BRI3: variants seen among roughly 807,000 people sequenced by gnomAD.
The protein encoded by BRI3 is membrane protein BRI3.
In BRI3, 6 loss-of-function variants were observed where a neutral mutation model predicts 12.8. That is an observed-to-expected ratio of 0.47 (90% CI 0.26 to 0.93). The LOEUF is 0.93. Ranked by LOEUF, BRI3 falls within the 40% of genes least tolerant of loss-of-function variation. The pLI, the probability that BRI3 is intolerant of heterozygous loss-of-function variation, is 0.15. For synonymous variants in BRI3, 91 were observed against 76.1 expected (o/e 1.20, Z -1.02); for missense variants, 134 against 171.1 (o/e 0.78, Z 1.21).
chr7:98,321,735 CCAT>C, the BRI3 span, among the ~76,000 whole-genome samples: 5 of 152,194 alleles, frequency 3.3e-5, no homozygotes, highest in South Asian at 1.0e-3. Context: ...GTTACCACCA[CCAT>C]CAAACAATGC....
At chr7:98,321,873 G>C in the BRI3 span, among the ~76,000 whole-genome samples, 2 of 152,192 alleles carry the variant, frequency 1.3e-5, no homozygotes, top group Non-Finnish European at 2.9e-5. Context: ...TGAGGTGGGA[G>C]TATCACGAGG....
At chr7:98,317,550 C>A in the BRI3 span, among the ~76,000 whole-genome samples, 1 of 150,278 alleles carries the variant, frequency 6.7e-6, no homozygotes, top group Non-Finnish European at 1.5e-5. Flanking sequence ...GGGTCCCATG[C>A]CCACACTTCG....
chr7:98,300,138 G>A (rs1437466784), intron 1 of BRI3, among the ~76,000 whole-genome samples: 4 of 152,228 alleles, frequency 2.6e-5, no homozygotes, highest in Admixed American at 6.5e-5. Context: ...GTGCCCTGTG[G>A]CTGCTGGACT....
chr7:98,306,375 T>C (rs112997351), upstream of BRI3: 7,085 of 1,576,892 alleles, frequency 4.5e-3, 279 homozygotes, highest in African/African-American at 0.084. Flanking sequence ...GATGGTGGTG[T>C]GTTACAGAAA....
chr7:98,284,303 C>G (rs1420285238), intron 2 of BRI3, among the ~76,000 whole-genome samples: 5 of 152,250 alleles, frequency 3.3e-5, no homozygotes, highest in African/African-American at 1.2e-4. Context: ...TCCCTGCGCT[C>G]TGCCCGTGGT....
At chr7:98,318,772 G>A in the BRI3 span, among the ~76,000 whole-genome samples, 23 of 151,438 alleles carry the variant, frequency 1.5e-4, no homozygotes, top group South Asian at 6.3e-4. Context: ...GTGAAACCCC[G>A]TCTCTACTAA....
chr7:98,306,566 G>A lies in BRI3; in HGVS notation n.45G>A, dbSNP rs200799373. 1.1e-3 allele frequency: 1,801 copies of A among 1,613,498 alleles called. 2 individuals are homozygous for A. The highest frequency in any genetic ancestry group is 1.4e-3 in the Non-Finnish European group (1,626 of 1,179,668). On this transcript the variant is annotated non_coding_transcript_exon_variant, in exon 1 of 2. Transcript: ENST00000485422. ...CCCTATCAGCAGTAGACATGTGGACGGCAACCTCCCTGAACAACCTGGTGA... is the reference window on the plus strand; with the variant it reads ...CCCTATCAGCAGTAGACATGTGGACAGCAACCTCCCTGAACAACCTGGTGA...
At chr7:98,283,884 G>C (rs4506131) in intron 2 of BRI3, among the ~76,000 whole-genome samples, 99,062 of 152,106 alleles carry the variant, frequency 0.65, 33,397 homozygotes, top group Non-Finnish European at 0.74. Context: ...CGAGGGATGG[G>C]CCAGATATCC....
Position 98,291,294 on chromosome 7 carries a change from A to C in BRI3, c.*51A>C. The C allele has an allele frequency of 6.2e-7, 1 of 1,609,370 alleles. No homozygotes were observed. Among genetic ancestry groups the C allele is most frequent in the Non-Finnish European group, 8.5e-7 (1 of 1,178,442 alleles). ...ACACCCAGCTCTCTTTTTCTAATGTAAATGTTGTGTACAATAATTTTATTT... is the reference window on the plus strand; with the variant it reads ...ACACCCAGCTCTCTTTTTCTAATGTCAATGTTGTGTACAATAATTTTATTT... On this transcript the variant is annotated 3_prime_UTR_variant, in exon 3 of 3. Coordinates refer to ENST00000297290, the MANE Select transcript of BRI3 (RefSeq NM_015379.5).
upstream of BRI3, among the ~76,000 whole-genome samples, chr7:98,302,512 A>G (rs772795085): frequency 5.9e-5 from 9 of 152,236 alleles, no homozygotes; most frequent in South Asian, 2.1e-4. Flanking sequence ...ACAACAGTCA[A>G]ACAAGCAAAA....
At chr7:98,306,338 C>T, upstream of BRI3, 2 of 1,405,992 alleles carry the variant, frequency 1.4e-6, no homozygotes, top group Non-Finnish European at 2.0e-6. Context: ...AGAGCTGAGG[C>T]TTAGGGCAGG....
rs185437200 is a variant in BRI3 at position 98,307,850 on chromosome 7, C to T, written n.480C>T. 140 of 1,614,224 alleles carry T rather than the reference C, an allele frequency of 8.7e-5. 1 individual carries two copies. The East Asian group carries it at 2.5e-3, about 29-fold the overall frequency. On this transcript the variant is annotated non_coding_transcript_exon_variant, in exon 2 of 2. Transcript: ENST00000485422. The stretch of plus-strand genomic sequence containing the variant: ...TCTGCTTCTTCATCATGTTCAGTCC[C>T]GTTGCAACCGAAACTGATCGCTGTA...
At chr7:98,305,684 A>G (rs1800629620), upstream of BRI3, among the ~76,000 whole-genome samples, 1 of 152,114 alleles carries the variant, frequency 6.6e-6, no homozygotes, top group Non-Finnish European at 1.5e-5. Context: ...CCATCTCCCA[A>G]AGTGCTGGGA....
the BRI3 span, chr7:98,317,122 G>A: frequency 6.7e-7 from 1 of 1,487,588 alleles, no homozygotes; most frequent in South Asian, 1.2e-5. Context: ...CAAAGTGCTG[G>A]GATTACAGGC....
At chr7:98,315,327 C>T (rs1162600594), downstream of BRI3, 1 of 771,156 alleles carries the variant, frequency 1.3e-6, no homozygotes, top group Non-Finnish European at 1.8e-6. Context: ...AGAGTTTTGC[C>T]ATGTTGCCCA....
chr7:98,301,072 G>A lies in BRI3; in HGVS notation c.72-5411G>A, dbSNP rs56199538. 6.6e-5 allele frequency among the ~76,000 whole-genome samples: 10 copies of A among 152,202 alleles called. No homozygotes were observed. In the East Asian group the frequency reaches 1.4e-3, roughly 21 times the overall value. Reference sequence around the variant, plus strand: ...GGCTCTAGGCCGCCCAGTAGAGGCCGGCTGGATGAATGCTGATGGGACGGT... The same window carrying A: ...GGCTCTAGGCCGCCCAGTAGAGGCCAGCTGGATGAATGCTGATGGGACGGT... On this transcript the variant is annotated intron_variant and NMD_transcript_variant, in intron 1 of 2. Transcript: ENST00000491463.
chr7:98,313,936 ACTAATT>A (rs1332850006), downstream of BRI3, among the ~76,000 whole-genome samples: 2 of 147,558 alleles, frequency 1.4e-5, no homozygotes, highest in Non-Finnish European at 3.0e-5. Context: ...GGCCTGCTGT[ACTAATT>A]TTAAATCTTA....
At chr7:98,284,913 C>T (rs1799661855) in intron 2 of BRI3, among the ~76,000 whole-genome samples, 1 of 152,226 alleles carries the variant, frequency 6.6e-6, no homozygotes, top group Non-Finnish European at 1.5e-5. Flanking sequence ...AAGCCAGGTT[C>T]TCCCTTGCCC....
the BRI3 span, chr7:98,315,465 A>G: frequency 1.4e-6 from 2 of 1,472,728 alleles, no homozygotes. Context: ...CCCACCTGTA[A>G]GTGATAATAA....
Sources: gnomAD v4.1 joint callset for allele counts (sites outside exome capture counted in the v4.1 genomes callset) on GRCh38, gnomAD v4.1.1 for gene constraint, MANE v1.5 for transcripts, NCBI Gene and HGNC (gene_info 2026-07-23, HGNC 2026-07-21) for gene names.